The following MRPS18A variants were observed in gnomAD, a reference collection of about 807,000 sequenced individuals.
MRPS18A encodes mitochondrial ribosomal protein S18A, also known as large ribosomal subunit protein mL66.
MRPS18A carries 20 observed loss-of-function variants against 22.7 expected under a neutral mutation model. The observed-to-expected ratio is 0.88, with a 90% CI of 0.62 to 1.28. The LOEUF (loss-of-function observed/expected upper bound fraction) is 1.28. Ranked by LOEUF, MRPS18A falls within the 50% of genes most tolerant of loss-of-function variation. The probability of loss-of-function intolerance (pLI) is 0.00; values close to 1 mark genes in which losing one functional copy is unlikely to be tolerated. For synonymous variants in MRPS18A, 106 were observed against 99.1 expected, an observed-to-expected ratio of 1.07 and a Z score of -0.41; for missense variants, 294 against 262.6, an observed-to-expected ratio of 1.12 and a Z score of -0.83.
At chr6:43,685,617 G>A (rs532538614) in intron 1 of MRPS18A, among the ~76,000 whole-genome samples, 57 of 152,270 alleles carry the variant, frequency 3.7e-4, no homozygotes, top group Admixed American at 1.1e-3. Context: ...CAGTCCTCAA[G>A]AGCTGACTAA....
intron 3 of MRPS18A, among the ~76,000 whole-genome samples, chr6:43,677,868 C>CT (rs1186797332): frequency 3.3e-5 from 5 of 152,078 alleles, no homozygotes; most frequent in Non-Finnish European, 7.4e-5. Context: ...TCACTACTGT[C>CT]TTTTTTCCCT....
At chr6:43,675,452 G>T in intron 4 of MRPS18A, 42 bp downstream of exon 4, 1 of 1,614,006 alleles carries the variant, frequency 6.2e-7, no homozygotes, top group Non-Finnish European at 8.5e-7. Flanking sequence ...GGGAGAGAGT[G>T]CCTGCAGCCC....
chr6:43,675,976 C>T (rs1157349929), intron 3 of MRPS18A, among the ~76,000 whole-genome samples: 1 of 152,090 alleles, frequency 6.6e-6, no homozygotes, highest in Non-Finnish European at 1.5e-5. Flanking sequence ...CCTCCCACCT[C>T]AGCCTCCTGA....
At chr6:43,684,254 G>T (rs1162938810) in intron 1 of MRPS18A, among the ~76,000 whole-genome samples, 1 of 152,088 alleles carries the variant, frequency 6.6e-6, no homozygotes, top group Non-Finnish European at 1.5e-5. Context: ...GGGCACTGCT[G>T]AAGTGCCCAG....
rs1773859027 is a variant in MRPS18A at position 43,673,345 on chromosome 6, C to T, written c.447-1439G>A. Among the ~76,000 whole-genome samples the T allele has an allele frequency of 6.6e-6, 1 of 152,100 alleles. No homozygotes were observed. The highest frequency in any genetic ancestry group is 2.4e-5 in the African/African-American group (1 of 41,428). On this transcript the variant is annotated intron_variant, in intron 5 of 5. Transcript: ENST00000372133. The surrounding 1 kb of genome is among the most constrained non-coding windows in gnomAD (Gnocchi z 4.2). ...GGTAAAGGGAGGGGACCAGGGATGG[C>T]CCCTTTGCTGGCCTCTCCCAGGCTT...
At position 43,673,784 on chromosome 6, in the gene MRPS18A, G is replaced by A. The variant is rs763135930; in HGVS notation, c.446+1418C>T. Among the ~76,000 whole-genome samples the A allele has an allele frequency of 6.6e-5, 10 of 152,248 alleles. No homozygotes were observed. The highest frequency in any genetic ancestry group is 1.5e-4 in the Non-Finnish European group (10 of 68,044). On this transcript the variant is annotated intron_variant, in intron 5 of 5. Coordinates refer to ENST00000372133, the MANE Select transcript of MRPS18A (RefSeq NM_018135.4). This position sits in a 1 kb window ranked among gnomAD's most constrained non-coding sequence, Gnocchi z 4.2. Reference sequence around the variant, plus strand: ...AGCATTAAACGAGACTCCCCTGCAAGGGAATCCATTTCCTTCGTAGCCTGA... The same window carrying A: ...AGCATTAAACGAGACTCCCCTGCAAAGGAATCCATTTCCTTCGTAGCCTGA...
intron 2 of MRPS18A, among the ~76,000 whole-genome samples, chr6:43,678,939 A>AAAG (rs1474171058): frequency 2.6e-5 from 4 of 152,166 alleles, no homozygotes; most frequent in Admixed American, 2.6e-4. Context: ...TCCGTCCTCG[A>AAAG]AAAAAACAAA....
Position 43,671,414 on chromosome 6 carries a change from C to T in MRPS18A, c.*348G>A. On this transcript the variant is annotated 3_prime_UTR_variant, in exon 6 of 6. Coordinates refer to ENST00000372133, the MANE Select transcript of MRPS18A (RefSeq NM_018135.4). Reference sequence around the variant, plus strand: ...CACCCAGCTGGCAATGTGCCCAGGACCCCCTGCACTTCCCAAGCAGTGAGC... The same window carrying T: ...CACCCAGCTGGCAATGTGCCCAGGATCCCCTGCACTTCCCAAGCAGTGAGC... The T allele has an allele frequency of 2.4e-6, 1 of 410,972 alleles. No homozygotes were observed. 25.5% of individuals were successfully genotyped at this position (410,972 alleles called of 1,614,324 possible).
In MRPS18A at chr6:43,687,680, C is replaced by T. The variant is rs1219826700; in HGVS notation, c.100G>A (p.Gly34Arg). 2.5e-6 allele frequency: 4 copies of T among 1,573,552 alleles called. No individual in the cohort carries two copies. Among genetic ancestry groups the T allele is most frequent in the Non-Finnish European group, 3.4e-6 (4 of 1,159,514 alleles). ...ACGCATGACTCACCTTCCCTGAACC[C>T]GCGAGCTGGAAGCCGAGACCAGCTG... ...ATSWSRLPAR[G>R]FREVVETQEG... is the part of the protein sequence containing the mutation. Residue 34 changes from glycine to arginine, a missense_variant, in exon 1 of 6, where the codon GGG becomes AGG. Physicochemically the swap from Gly to Arg is moderately radical, Grantham distance 125. Transcript: ENST00000372133.
chr6:43,680,985 C>G (rs575700630), intron 2 of MRPS18A, 104 bp downstream of exon 2: 334 of 1,040,462 alleles, frequency 3.2e-4, no homozygotes, highest in Admixed American at 8.0e-4. Context: ...GGGAGCTGAT[C>G]CTGGAGCTGG....
At position 43,687,691 on chromosome 6, in the gene MRPS18A, A is replaced by G; in HGVS notation, c.89T>C (p.Leu30Pro). Reference sequence around the variant, plus strand: ...ACCTTCCCTGAACCCGCGAGCTGGAAGCCGAGACCAGCTGGTCGCTGCCGG... The same window carrying G: ...ACCTTCCCTGAACCCGCGAGCTGGAGGCCGAGACCAGCTGGTCGCTGCCGG... ...AGPAATSWSR[L>P]PARGFREVVE... Residue 30 changes from leucine to proline, a missense_variant, in exon 1 of 6, where the codon CTT becomes CCT. Leu to Pro is a moderately conservative substitution (Grantham distance 98). Transcript: ENST00000372133. 6.3e-7 allele frequency: 1 copy of G among 1,579,264 alleles called. No individual in the cohort carries two copies. Among genetic ancestry groups the G allele is most frequent in the Non-Finnish European group, 8.6e-7 (1 of 1,162,484 alleles).
intron 1 of MRPS18A, among the ~76,000 whole-genome samples, chr6:43,686,239 T>C (rs1224858732): frequency 6.6e-6 from 1 of 152,246 alleles, no homozygotes. Flanking sequence ...TTGAATTTCA[T>C]AAGAATATGC....
rs1773855920 is a variant in MRPS18A at position 43,673,290 on chromosome 6, G to T, written c.447-1384C>A. On this transcript the variant is annotated intron_variant, in intron 5 of 5. Coordinates refer to ENST00000372133, the MANE Select transcript of MRPS18A (RefSeq NM_018135.4). This position sits in a 1 kb window ranked among gnomAD's most constrained non-coding sequence, Gnocchi z 4.2. ...GGTGTGAGGGGACTGCTTTTTCTAT[G>T]GTCGGTGGTTCTAGGTGACAGAAGA... 6.6e-6 allele frequency among the ~76,000 whole-genome samples: 1 copy of T among 152,070 alleles called. No individual in the cohort carries two copies. The highest frequency in any genetic ancestry group is 2.1e-4 in the South Asian group (1 of 4,828).
chr6:43,680,122 T>C (rs959702737), intron 2 of MRPS18A, among the ~76,000 whole-genome samples: 1 of 152,132 alleles, frequency 6.6e-6, no homozygotes, highest in Non-Finnish European at 1.5e-5. Context: ...ATGCCCCACA[T>C]GAAAAACACT....
rs370430941 is a variant in MRPS18A, at chr6:43,671,912, G to A, written c.447-6C>T. On this transcript the variant is annotated splice_polypyrimidine_tract_variant and splice_region_variant and intron_variant, in intron 5 of 5. Transcript: ENST00000372133. Reference sequence around the variant, plus strand: ...GAGCCCAGCGCGTCAGGTACCTGTGGAGGGAGAACAAAGAGGTGCCTGTGA... The same window carrying A: ...GAGCCCAGCGCGTCAGGTACCTGTGAAGGGAGAACAAAGAGGTGCCTGTGA... 6.4e-5 allele frequency: 102 copies of A among 1,597,248 alleles called. No individual in the cohort carries two copies. Among genetic ancestry groups the A allele is most frequent in the Non-Finnish European group, 8.2e-5 (96 of 1,171,526 alleles).
rs141625437 is a variant in MRPS18A, at chr6:43,679,278, C to A, written c.145-653G>T. On this transcript the variant is annotated intron_variant, in intron 2 of 5. Transcript: ENST00000372133. ...CCATCCTCCACTGCACAGGACAGCC[C>A]TCACAACAAAGAATTACTCAGCCCC... 2.0e-5 allele frequency among the ~76,000 whole-genome samples: 3 copies of A among 152,280 alleles called. No individual in the cohort carries two copies. The East Asian group carries it at 5.8e-4, about 29-fold the overall frequency.
chr6:43,673,907 C>T lies in MRPS18A; in HGVS notation c.446+1295G>A, dbSNP rs781597901. On this transcript the variant is annotated intron_variant, in intron 5 of 5. Coordinates refer to ENST00000372133, the MANE Select transcript of MRPS18A (RefSeq NM_018135.4). This position sits in a 1 kb window ranked among gnomAD's most constrained non-coding sequence, Gnocchi z 4.2. ...AAAGGATGCCGGATGTATGGGAGGG[C>T]GCCTGGCCTAGCTTCAAAGGCCTGA... 1.3e-5 allele frequency among the ~76,000 whole-genome samples: 2 copies of T among 152,202 alleles called. No homozygotes were observed. Among genetic ancestry groups the T allele is most frequent in the African/African-American group, 2.4e-5 (1 of 41,444 alleles).
At chr6:43,682,078 G>A (rs926960351) in intron 1 of MRPS18A, among the ~76,000 whole-genome samples, 1 of 152,220 alleles carries the variant, frequency 6.6e-6, no homozygotes, top group Non-Finnish European at 1.5e-5. Context: ...GAGGCGGGAA[G>A]AAATACTTGA....
chr6:43,675,858 ATTTT>A (rs112883657), intron 3 of MRPS18A, among the ~76,000 whole-genome samples: 4 of 147,024 alleles, frequency 2.7e-5, no homozygotes, highest in East Asian at 3.9e-4. Flanking sequence ...TCTCTATGAG[ATTTT>A]TTTTTTTTTG....
Sources: allele counts gnomAD v4.1 joint callset (sites outside exome capture counted in the v4.1 genomes callset), GRCh38; gene constraint gnomAD v4.1.1; non-coding constraint Gnocchi (gnomAD v3.1); transcripts MANE v1.5; gene names NCBI Gene and HGNC (gene_info 2026-07-23, HGNC 2026-07-21).